Variants in FANCB observed in about 807,000 individuals in gnomAD.
FANCB encodes Fanconi anemia group B protein.
FANCB carries 5 observed loss-of-function variants against 38.9 expected under a neutral mutation model. The ratio of observed to expected loss-of-function variants is 0.13; its 90% confidence interval spans 0.07 to 0.27. FANCB has a LOEUF of 0.27. Ranked by LOEUF, FANCB falls within the 10% of genes least tolerant of loss-of-function variation. The probability of loss-of-function intolerance (pLI) is 1.00; values close to 1 mark genes in which losing one functional copy is unlikely to be tolerated. For missense variants in FANCB, 573 were observed against 602.7 expected (o/e 0.95, Z 0.52); for synonymous variants, 236 against 215.4 (o/e 1.10, Z -0.84).
At chrX:14,756,920 T>C in the FANCB span, among the ~76,000 whole-genome samples, 4 of 111,971 alleles carry the variant, frequency 3.6e-5, no homozygotes, top group Non-Finnish European at 7.5e-5. Context: ...GCCACAAATA[T>C]ACATTTCTCC....
the FANCB span, among the ~76,000 whole-genome samples, chrX:14,779,918 T>C: frequency 9.0e-6 from 1 of 111,204 alleles, no homozygotes; most frequent in Admixed American, 9.4e-5. Flanking sequence ...CCTTAGTTGA[T>C]ACTAAACATA....
intron 1 of FANCB, 94 bp downstream of exon 1, chrX:14,872,892 C>T (rs1484960037): frequency 8.8e-6 from 1 of 114,156 alleles, no homozygotes; most frequent in Non-Finnish European, 1.9e-5. Flanking sequence ...TTCCTTCCCT[C>T]TCTCCCGCAA....
At chrX:14,695,985 C>T in the FANCB span, among the ~76,000 whole-genome samples, 9 of 110,096 alleles carry the variant, frequency 8.2e-5, no homozygotes, top group Non-Finnish European at 1.1e-4. Flanking sequence ...GTATGTGTTT[C>T]CCCCCAGCAA....
the FANCB span, among the ~76,000 whole-genome samples, chrX:14,826,688 T>G: frequency 3.3e-3 from 373 of 112,371 alleles, 2 homozygotes; most frequent in African/African-American, 0.011. Flanking sequence ...TTATCGAGAT[T>G]AGTTCTCTGA....
At chrX:14,690,121 G>A in the FANCB span, among the ~76,000 whole-genome samples, 1 of 111,487 alleles carries the variant, frequency 9.0e-6, no homozygotes, top group Non-Finnish European at 1.9e-5. Flanking sequence ...GGCTTTTGAA[G>A]AGCCTAAGGC....
the FANCB span, among the ~76,000 whole-genome samples, chrX:14,703,708 G>A: frequency 3.2e-4 from 36 of 111,756 alleles, no homozygotes; most frequent in African/African-American, 1.1e-3. Context: ...GAAGTACCAG[G>A]AGGTGAATGC....
chrX:14,870,396 T>C (rs1188603270), intron 1 of FANCB, among the ~76,000 whole-genome samples: 4 of 109,682 alleles, frequency 3.6e-5, no homozygotes, highest in Non-Finnish European at 7.6e-5. Context: ...ATTAACATTA[T>C]AACAGTGGCT....
the FANCB span, among the ~76,000 whole-genome samples, chrX:14,812,917 T>A: frequency 1.4e-3 from 143 of 104,650 alleles, no homozygotes; most frequent in African/African-American, 4.8e-3. Flanking sequence ...AAATCCTCAA[T>A]AAAATACTGG....
the FANCB span, among the ~76,000 whole-genome samples, chrX:14,796,693 TAC>T: frequency 4.5e-3 from 415 of 92,023 alleles, 1 homozygote; most frequent in African/African-American, 0.013. Flanking sequence ...CGTCTATATA[TAC>T]ACACACACAC....
chrX:14,716,853 T>C, the FANCB span, among the ~76,000 whole-genome samples: 1 of 111,374 alleles, frequency 9.0e-6, no homozygotes, highest in African/African-American at 3.3e-5. Context: ...GAAAGTCTTT[T>C]TCAGAATAGG....
the FANCB span, among the ~76,000 whole-genome samples, chrX:14,705,409 A>G: frequency 8.9e-6 from 1 of 112,092 alleles, no homozygotes; most frequent in Non-Finnish European, 1.9e-5. Flanking sequence ...GCTGAACTCT[A>G]ATGAGTAGAG....
chrX:14,838,144 G>C (rs2092345892), intron 10 of FANCB, among the ~76,000 whole-genome samples: 1 of 111,777 alleles, frequency 8.9e-6, no homozygotes, highest in Non-Finnish European at 1.9e-5. Context: ...GGGTTGTAAG[G>C]ATCACATGGG....
the FANCB span, chrX:14,730,558 T>C: frequency 2.5e-6 from 1 of 395,953 alleles, no homozygotes; most frequent in South Asian, 4.1e-5. Context: ...ATTGTCTTTA[T>C]ATCACTTTGA....
the FANCB span, among the ~76,000 whole-genome samples, chrX:14,774,387 T>C: frequency 4.5e-5 from 5 of 111,892 alleles, no homozygotes; most frequent in Admixed American, 1.9e-4. Flanking sequence ...TCCAGAAATA[T>C]AAAATAGAAA....
the FANCB span, among the ~76,000 whole-genome samples, chrX:14,710,418 G>A: frequency 3.6e-5 from 4 of 111,857 alleles, no homozygotes; most frequent in Non-Finnish European, 7.5e-5. Context: ...AACACCATGT[G>A]TCAGCCTCTA....
chrX:14,812,733 G>T, the FANCB span, among the ~76,000 whole-genome samples: 22 of 109,595 alleles, frequency 2.0e-4, no homozygotes, highest in Admixed American at 1.2e-3. Flanking sequence ...TTCTACCAGA[G>T]GTACAAGGAG....
the FANCB span, among the ~76,000 whole-genome samples, chrX:14,782,568 C>CT: frequency 9.0e-6 from 1 of 111,706 alleles, no homozygotes; most frequent in Non-Finnish European, 1.9e-5. Flanking sequence ...GGTGATTAGT[C>CT]TTTTTCTAGG....
chrX:14,870,267 C>A (rs1245626278), intron 1 of FANCB, among the ~76,000 whole-genome samples: 1 of 111,383 alleles, frequency 9.0e-6, no homozygotes, highest in South Asian at 3.7e-4. Context: ...ACAAATCAAA[C>A]TAAGGTTCAA....
chrX:14,820,050 T>C, the FANCB span, among the ~76,000 whole-genome samples: 2 of 111,305 alleles, frequency 1.8e-5, no homozygotes, highest in Non-Finnish European at 3.8e-5. Context: ...ATGCAGCCTT[T>C]CCTTCCTTCT....
Sources: gnomAD v4.1 joint callset for allele counts (sites outside exome capture counted in the v4.1 genomes callset) on GRCh38, gnomAD v4.1.1 for gene constraint, MANE v1.5 for transcripts, NCBI Gene and HGNC (gene_info 2026-07-23, HGNC 2026-07-21) for gene names.